CACNA1A: variants seen among roughly 807,000 people sequenced by gnomAD.
The protein encoded by CACNA1A is calcium voltage-gated channel subunit alpha1 A.
CACNA1A carries 57 observed loss-of-function variants against 262.4 expected under a neutral mutation model. That is an observed-to-expected ratio of 0.22 (90% CI 0.18 to 0.27). The LOEUF is 0.27. Among genes scored for constraint, CACNA1A ranks in the 10% least tolerant of loss-of-function variants. The pLI is 1.00. For synonymous variants in CACNA1A, 1,431 were observed against 1,419.3 expected (o/e 1.01, Z -0.18); for missense variants, 2,526 against 3,562.8 (o/e 0.71, Z 7.41).
Position 13,365,438 on chromosome 19 carries a change from C to T in CACNA1A, c.663G>A (p.Lys221=), listed in dbSNP as rs772786551. Residue 221 remains lysine (K), a synonymous_variant, in exon 5 of 47, where the codon AAG becomes AAA. Coordinates refer to ENST00000360228, the MANE Select transcript of CACNA1A (RefSeq NM_001127222.2). ...CGATCTGCAGCAAAGGGATCATCGC[C>T]TTCATGATCGACTTCAGGACGACTT... ...SLQVVLKSIM[K]AMIPLLQIGL... The T allele has an allele frequency of 1.2e-6, 2 of 1,613,780 alleles. No homozygotes were observed. The highest frequency in any genetic ancestry group is 4.5e-5 in the East Asian group (2 of 44,876).
rs1001269654 is a variant in CACNA1A at position 13,476,845 on chromosome 19, T to G, written c.294-21633A>C. Reference sequence around the variant, plus strand: ...ACCTGCCAGGACCAACACTGTCACCTCCTTCCTAATTCCCCAGCTTCTGCC... The same window carrying G: ...ACCTGCCAGGACCAACACTGTCACCGCCTTCCTAATTCCCCAGCTTCTGCC... On this transcript the variant is annotated intron_variant, in intron 1 of 46. Coordinates refer to ENST00000360228, the MANE Select transcript of CACNA1A (RefSeq NM_001127222.2). Among the ~76,000 whole-genome samples, 4 of 152,102 alleles carry G rather than the reference T, an allele frequency of 2.6e-5. No homozygotes were observed. In the East Asian group the frequency reaches 5.8e-4, roughly 22 times the overall value.
At chr19:13,368,994 C>T (rs1437007747) in intron 4 of CACNA1A, among the ~76,000 whole-genome samples, 3 of 123,144 alleles carry the variant, frequency 2.4e-5, no homozygotes, top group Non-Finnish European at 1.5e-5. Flanking sequence ...GCCGAGATCT[C>T]GCCACTGCAC....
intron 3 of CACNA1A, among the ~76,000 whole-genome samples, chr19:13,440,940 G>A (rs762993576): frequency 8.5e-5 from 13 of 152,302 alleles, no homozygotes; most frequent in Non-Finnish European, 1.8e-4. Context: ...TGAGTAGCTG[G>A]AATTACAGGC....
At chr19:13,484,160 A>AT (rs1233143277) in intron 1 of CACNA1A, among the ~76,000 whole-genome samples, 2 of 152,160 alleles carry the variant, frequency 1.3e-5, no homozygotes, top group Admixed American at 6.5e-5. Context: ...AAAAATGGAG[A>AT]TAAAAACCCT....
At chr19:13,376,656 C>T (rs989735283) in intron 3 of CACNA1A, among the ~76,000 whole-genome samples, 4 of 146,780 alleles carry the variant, frequency 2.7e-5, no homozygotes, top group Non-Finnish European at 6.0e-5. Context: ...ATACACTACA[C>T]ATAATATATG....
intron 1 of CACNA1A, among the ~76,000 whole-genome samples, chr19:13,499,037 G>C (rs561022826): frequency 6.6e-6 from 1 of 152,248 alleles, no homozygotes; most frequent in South Asian, 2.1e-4. Flanking sequence ...GGAGTGAGGA[G>C]AAAGAAGACC....
chr19:13,455,460 A>G (rs2060989530), intron 1 of CACNA1A, among the ~76,000 whole-genome samples: 1 of 152,158 alleles, frequency 6.6e-6, no homozygotes, highest in South Asian at 2.1e-4. Flanking sequence ...CTGAACACAT[A>G]TTCATTCAGT....
intron 3 of CACNA1A, among the ~76,000 whole-genome samples, chr19:13,406,911 C>T (rs1391057475): frequency 1.3e-5 from 2 of 151,886 alleles, no homozygotes; most frequent in African/African-American, 4.8e-5. Flanking sequence ...TGCCATTTCC[C>T]TCTCCCAACA....
intron 1 of CACNA1A, among the ~76,000 whole-genome samples, chr19:13,481,374 T>C (rs1045116861): frequency 2.6e-5 from 4 of 151,990 alleles, no homozygotes; most frequent in African/African-American, 7.3e-5. Flanking sequence ...GACCTGGGAG[T>C]GGGCAGAAGG....
Position 13,208,804 on chromosome 19 carries a change from G to C in CACNA1A, c.6732C>G (p.Arg2244=). The change falls in exon 46 of 47, where the codon CGC becomes CGG. Residue 2244 remains arginine (R), a synonymous_variant. Coordinates refer to ENST00000360228, the MANE Select transcript of CACNA1A (RefSeq NM_001127222.2). ...GGCCCTCGCTGGGCGAGCGGGACCA[G>C]CGCTGGTCCCGAGCCCGTGCCCGGC... ...DHGRARARDQ[R]WSRSPSEGRE... 1 of 1,551,938 alleles carries C rather than the reference G, an allele frequency of 6.4e-7. No individual in the cohort carries two copies. The highest frequency in any genetic ancestry group is 1.9e-5 in the Admixed American group (1 of 52,506).
intron 5 of CACNA1A, 107 bp from the exon 6 acceptor site, chr19:13,359,906 G>A: frequency 4.4e-6 from 3 of 683,160 alleles, no homozygotes; most frequent in Non-Finnish European, 7.1e-6. Context: ...TAACTTTTGG[G>A]ACAAACGTGA....
chr19:13,436,661 CTG>C (rs977380243), intron 3 of CACNA1A, among the ~76,000 whole-genome samples: 4 of 152,232 alleles, frequency 2.6e-5, no homozygotes, highest in African/African-American at 9.6e-5. Flanking sequence ...ACACGAGGCT[CTG>C]TGGTTCTGTC....
chr19:13,430,936 C>T (rs2060494016), intron 3 of CACNA1A, among the ~76,000 whole-genome samples: 3 of 151,680 alleles, frequency 2.0e-5, no homozygotes, highest in African/African-American at 7.3e-5. Context: ...GAAGAGTGTT[C>T]CAGGCAGAGG....
At chr19:13,449,766 A>G (rs569499397) in intron 3 of CACNA1A, among the ~76,000 whole-genome samples, 140 of 152,344 alleles carry the variant, frequency 9.2e-4, no homozygotes, top group Non-Finnish European at 1.8e-3. Context: ...AATAAACATA[A>G]AATTCAGGAA....
chr19:13,427,393 A>G (rs950325157), intron 3 of CACNA1A, among the ~76,000 whole-genome samples: 1 of 152,048 alleles, frequency 6.6e-6, no homozygotes, highest in Non-Finnish European at 1.5e-5. Context: ...CGGAGGTTGC[A>G]GTGAGCCGAG....
At chr19:13,456,920 G>A (rs2061021292) in intron 1 of CACNA1A, among the ~76,000 whole-genome samples, 1 of 152,066 alleles carries the variant, frequency 6.6e-6, no homozygotes. Context: ...GTGAAGATGT[G>A]AAGAAATTGA....
At chr19:13,326,333 GA>G (rs140855258) in intron 10 of CACNA1A, among the ~76,000 whole-genome samples, 35 of 150,938 alleles carry the variant, frequency 2.3e-4, no homozygotes, top group African/African-American at 7.8e-4. Context: ...AGAAAAAAAA[GA>G]AAAAAAAATT....
intron 10 of CACNA1A, among the ~76,000 whole-genome samples, chr19:13,326,274 C>A (rs2058360575): frequency 6.6e-6 from 1 of 151,346 alleles, no homozygotes; most frequent in African/African-American, 2.4e-5. Context: ...GAGATCGCAC[C>A]ACTGCACTCC....
At chr19:13,473,394 T>A (rs1314791706) in intron 1 of CACNA1A, among the ~76,000 whole-genome samples, 1 of 152,178 alleles carries the variant, frequency 6.6e-6, no homozygotes, top group African/African-American at 2.4e-5. Flanking sequence ...TACCAGAAAC[T>A]GGAAGAATCA....
Sources: gnomAD v4.1 joint callset for allele counts (sites outside exome capture counted in the v4.1 genomes callset) on GRCh38, gnomAD v4.1.1 for gene constraint, MANE v1.5 for transcripts, NCBI Gene and HGNC (gene_info 2026-07-23, HGNC 2026-07-21) for gene names.